Variants in RALGPS2 observed in about 807,000 individuals in gnomAD.
The protein encoded by RALGPS2 is ras-specific guanine nucleotide-releasing factor RalGPS2.
A neutral mutation model predicts 86.8 loss-of-function variants in RALGPS2; 43 were observed. That is an observed-to-expected ratio of 0.50 (90% CI 0.39 to 0.64). The LOEUF (loss-of-function observed/expected upper bound fraction) is 0.64, where lower values mean the gene tolerates loss of function less well. Among genes scored for constraint, RALGPS2 ranks in the 30% least tolerant of loss-of-function variants. The pLI, the probability that RALGPS2 is intolerant of heterozygous loss-of-function variation, is 0.00. For synonymous variants in RALGPS2, 243 were observed against 231.3 expected (o/e 1.05, Z -0.46); for missense variants, 536 against 694.6 (o/e 0.77, Z 2.57).
Position 178,897,622 on chromosome 1 carries a change from A to G in RALGPS2, c.1432-42A>G, listed in dbSNP as rs371560181. The stretch of plus-strand genomic sequence containing the variant: ...TAGAATGTAAAGAAACTAAGAAGCC[A>G]GGAGCATTGTAATAGTATATTCCTG... On this transcript the variant is annotated intron_variant, in intron 16 of 19. Coordinates refer to ENST00000367635, the MANE Select transcript of RALGPS2 (RefSeq NM_152663.5). The G allele has an allele frequency of 9.4e-6, 14 of 1,492,218 alleles. No homozygotes were observed. In the African/African-American group the frequency reaches 1.9e-4, roughly 21 times the overall value. The allele number at this position is 1,492,218 out of a possible 1,614,324, so 92.4% of individuals were successfully genotyped here.
At chr1:178,856,202 G>GAGAGAGATATATATAT (rs1428022812) in intron 8 of RALGPS2, among the ~76,000 whole-genome samples, 14 of 83,904 alleles carry the variant, frequency 1.7e-4, no homozygotes, top group African/African-American at 9.0e-4. Context: ...GAGAGAGAGA[G>GAGAGAGATATATATAT]ATATATATAT....
Position 178,822,237 on chromosome 1 carries a change from T to C in RALGPS2, c.480+533T>C, listed in dbSNP as rs144412991. On this transcript the variant is annotated intron_variant, in intron 7 of 19. Transcript: ENST00000367635. ...TAATCATATTTGGTTCTATTACTTA[T>C]ATGAGATCAGAGTATGAATTTTGAC... 7.2e-3 allele frequency among the ~76,000 whole-genome samples: 1,095 copies of C among 152,306 alleles called. 6 individuals carry two copies. The highest frequency in any genetic ancestry group is 0.011 in the Non-Finnish European group (749 of 67,992).
intron 4 of RALGPS2, among the ~76,000 whole-genome samples, chr1:178,797,684 G>T (rs1230291009): frequency 6.6e-6 from 1 of 152,024 alleles, no homozygotes; most frequent in Non-Finnish European, 1.5e-5. Flanking sequence ...TCAAAACCAA[G>T]AAATTGATAT....
chr1:178,819,972 A>G (rs1655419466), intron 6 of RALGPS2, among the ~76,000 whole-genome samples: 1 of 152,178 alleles, frequency 6.6e-6, no homozygotes, highest in Non-Finnish European at 1.5e-5. Context: ...ATATTTAGGA[A>G]TACACTTTTT....
intron 19 of RALGPS2, among the ~76,000 whole-genome samples, chr1:178,909,252 T>C (rs1660510192): frequency 1.3e-5 from 2 of 152,212 alleles, no homozygotes; most frequent in South Asian, 2.1e-4. Flanking sequence ...TACTGTTCCA[T>C]TGGTTCTATC....
chr1:178,871,051 G>A (rs1400115489), intron 8 of RALGPS2: 2 of 152,152 alleles, frequency 1.3e-5, no homozygotes, highest in Admixed American at 6.6e-5. Flanking sequence ...GTAACCAGCT[G>A]CAGCTGACCC....
chr1:178,843,466 A>T (rs1434277010), intron 8 of RALGPS2, among the ~76,000 whole-genome samples: 36 of 145,326 alleles, frequency 2.5e-4, no homozygotes, highest in African/African-American at 8.6e-4. Flanking sequence ...GATCACATGG[A>T]CACAGGAAGG....
intron 1 of RALGPS2, among the ~76,000 whole-genome samples, chr1:178,740,913 A>G (rs988920076): frequency 6.6e-6 from 1 of 152,242 alleles, no homozygotes; most frequent in African/African-American, 2.4e-5. Flanking sequence ...CATCTGTAAA[A>G]TGAGCATCAT....
chr1:178,787,000 C>T (rs966769407), intron 4 of RALGPS2, among the ~76,000 whole-genome samples: 2 of 150,740 alleles, frequency 1.3e-5, no homozygotes, highest in Admixed American at 6.6e-5. Context: ...CTAACTTTTC[C>T]CCCATACCTC....
At chr1:178,748,966 GT>G in intron 1 of RALGPS2, among the ~76,000 whole-genome samples, 1 of 151,988 alleles carries the variant, frequency 6.6e-6, no homozygotes, top group East Asian at 1.9e-4. Flanking sequence ...TTTATTGTGT[GT>G]AACCTATATA....
At position 178,916,893 on chromosome 1, in the gene RALGPS2, A is replaced by G. The variant is rs1159367456; in HGVS notation, c.*534A>G. ...TTTGTTCTCCCTCTAGTAGTCTGCA[A>G]CCTCACTGGCTTTCTCACAGCAAGA... On this transcript the variant is annotated 3_prime_UTR_variant, in exon 20 of 20. Coordinates refer to ENST00000367635, the MANE Select transcript of RALGPS2 (RefSeq NM_152663.5). The G allele has an allele frequency of 1.3e-5, 2 of 152,296 alleles. No homozygotes were observed. Among genetic ancestry groups the G allele is most frequent in the East Asian group, 3.9e-4 (2 of 5,188 alleles). The allele number at this position is 152,296 out of a possible 1,614,324, so 9.4% of individuals were successfully genotyped here.
chr1:178,857,950 C>A (rs1657706218), intron 8 of RALGPS2, among the ~76,000 whole-genome samples: 1 of 152,080 alleles, frequency 6.6e-6, no homozygotes, highest in South Asian at 2.1e-4. Flanking sequence ...TTTCTGAATC[C>A]AGCTTTGATT....
rs2102431129 is a variant in RALGPS2, at chr1:178,918,583, A to G, written c.*2224A>G. 1 of 152,232 alleles carries G rather than the reference A, an allele frequency of 6.6e-6. No homozygotes were observed. Among genetic ancestry groups the G allele is most frequent in the South Asian group, 2.1e-4 (1 of 4,828 alleles). The allele number at this position is 152,232 out of a possible 1,614,324, so 9.4% of individuals were successfully genotyped here. On this transcript the variant is annotated 3_prime_UTR_variant, in exon 20 of 20. Transcript: ENST00000367635. ...TTAATGGATGTTTGCGTAGAGTAAG[A>G]TAGCGTTCAAATTTGGTTAATAGTT...
chr1:178,880,424 ATTT>A (rs1380122365), intron 10 of RALGPS2, among the ~76,000 whole-genome samples: 2 of 152,118 alleles, frequency 1.3e-5, no homozygotes, highest in Admixed American at 1.3e-4. Flanking sequence ...TTCTGTACCA[ATTT>A]TCAGTCTACA....
intron 1 of RALGPS2, among the ~76,000 whole-genome samples, chr1:178,767,358 C>CTT (rs1159630163): frequency 0.035 from 2,468 of 70,230 alleles, 31 homozygotes; most frequent in African/African-American, 0.053. Context: ...TGTCCTTTGG[C>CTT]TTTTTTTTTT....
At chr1:178,814,265 A>G (rs1330166307) in intron 6 of RALGPS2, among the ~76,000 whole-genome samples, 1 of 152,214 alleles carries the variant, frequency 6.6e-6, no homozygotes, top group Non-Finnish European at 1.5e-5. Flanking sequence ...AGAGTATCCT[A>G]TTTGTATATA....
At chr1:178,746,324 A>G (rs1651327878) in intron 1 of RALGPS2, among the ~76,000 whole-genome samples, 2 of 152,252 alleles carry the variant, frequency 1.3e-5, no homozygotes, top group Admixed American at 6.5e-5. Context: ...AAAGATGTTT[A>G]GTCCTTATAT....
intron 8 of RALGPS2, among the ~76,000 whole-genome samples, chr1:178,862,146 T>G (rs1658064063): frequency 6.6e-6 from 1 of 152,142 alleles, no homozygotes; most frequent in African/African-American, 2.4e-5. Context: ...GTGTTGAGAT[T>G]ACAGGCATGA....
At chr1:178,871,278 T>A (rs1444461920) in intron 8 of RALGPS2, among the ~76,000 whole-genome samples, 1 of 152,074 alleles carries the variant, frequency 6.6e-6, no homozygotes, top group Non-Finnish European at 1.5e-5. Flanking sequence ...AAGGGCACCA[T>A]CTGGAAACAA....
Sources: allele counts gnomAD v4.1 joint callset (sites outside exome capture counted in the v4.1 genomes callset), GRCh38; gene constraint gnomAD v4.1.1; transcripts MANE v1.5; gene names NCBI Gene and HGNC (gene_info 2026-07-23, HGNC 2026-07-21).